MADD: variants seen among roughly 807,000 people sequenced by gnomAD.
MADD encodes MAP kinase activating death domain, also known as MAP kinase-activating death domain protein.
Under a neutral mutation model 176.7 loss-of-function variants are expected in MADD, and 109 were observed. The ratio of observed to expected loss-of-function variants is 0.62; its 90% CI spans 0.53 to 0.72. MADD has a LOEUF of 0.72. MADD is among the 30% of genes least tolerant of loss of function. MADD has a pLI of 0.00. For synonymous variants in MADD, 771 were observed against 771.3 expected, an observed-to-expected ratio of 1.00 and a Z score of 0.01; for missense variants, 1,914 against 2,045.5, an observed-to-expected ratio of 0.94 and a Z score of 1.24.
exon 15 of MADD, chr11:47,286,525 A>G: frequency 6.2e-7 from 1 of 1,612,972 alleles, no homozygotes; most frequent in Non-Finnish European, 8.5e-7. Context: ...GCCCTTCCCC[A>G]GTCTGAAAGG....
chr11:47,296,097 G>T (rs1365018004), intron 22 of MADD, 42 bp downstream of exon 24: 2 of 1,596,486 alleles, frequency 1.3e-6, no homozygotes, highest in Admixed American at 1.7e-5. Flanking sequence ...TTTCTTTAAT[G>T]GGGGAGGGAA....
chr11:47,303,607 CTTTTT>C (rs137937344), intron 22 of MADD, among the ~76,000 whole-genome samples: 2 of 105,548 alleles, frequency 1.9e-5, no homozygotes, highest in Non-Finnish European at 1.9e-5. Flanking sequence ...TTGGAGAGGC[CTTTTT>C]TTTTTTTTTT....
At chr11:47,303,419 T>A (rs569823870) in intron 22 of MADD, among the ~76,000 whole-genome samples, 1 of 152,156 alleles carries the variant, frequency 6.6e-6, no homozygotes, top group African/African-American at 2.4e-5. Flanking sequence ...TATGTATTTT[T>A]AGTAGAGACG....
intron 1 of MADD, 128 bp from the exon 2 acceptor site, chr11:47,273,695 GCGTC>G (rs2047105222): frequency 1.5e-5 from 7 of 476,608 alleles, no homozygotes; most frequent in Non-Finnish European, 2.7e-5. Flanking sequence ...GGCTAGGCAA[GCGTC>G]AAGTTCTCCT....
chr11:47,294,020 A>C lies in MADD; in HGVS notation c.3402+37A>C, dbSNP rs752023837. On this transcript the variant is annotated intron_variant, in intron 20 of 32. Coordinates refer to ENST00000402192, the Ensembl canonical transcript of MADD. ...CCTTGTTGAAATTTGCAAGTATTAA[A>C]TATGCTGTCTCAGAATACTTCTTTA... The C allele has an allele frequency of 1.4e-5, 21 of 1,465,858 alleles. No individual in the cohort carries two copies. The Admixed American group carries it at 3.5e-4, about 25-fold the overall frequency. The allele number at this position is 1,465,858 out of a possible 1,614,324, so 90.8% of individuals were successfully genotyped here.
exon 10 of MADD, chr11:47,282,871 G>A (rs1168069999): frequency 6.2e-7 from 1 of 1,614,168 alleles, no homozygotes; most frequent in Non-Finnish European, 8.5e-7. Context: ...ATCAGCTGCA[G>A]CCTATCCACT....
At chr11:47,273,637 A>C (rs1004450204) in intron 1 of MADD, among the ~76,000 whole-genome samples, 190 bp from the exon 2 acceptor site, 1 of 32,334 alleles carries the variant, frequency 3.1e-5, no homozygotes, top group Non-Finnish European at 1.5e-4. Flanking sequence ...TGCCTGGCCT[A>C]TCTATTTTTT....
At chr11:47,276,594 G>GGGCA (rs1317952443) in intron 4 of MADD, 138 bp from the exon 5 acceptor site, 1 of 966,398 alleles carries the variant, frequency 1.0e-6, no homozygotes, top group Non-Finnish European at 1.6e-6. Context: ...AGGCATGGTG[G>GGGCA]GGCAGGGGGC....
intron 31 of MADD, chr11:47,328,231 T>G: frequency 9.2e-7 from 1 of 1,090,314 alleles, no homozygotes; most frequent in Non-Finnish European, 1.1e-6. Flanking sequence ...GGTGACGAGT[T>G]CACGGGTGTC....
At chr11:47,309,284 A>G (rs2085953283) in exon 24 of MADD, 2 of 1,614,148 alleles carry the variant, frequency 1.2e-6, no homozygotes, top group African/African-American at 2.7e-5. Context: ...TATGCAGGCA[A>G]AGAGCGTTCT....
At chr11:47,279,131 C>G (rs768085889) in intron 7 of MADD, 52 bp downstream of exon 7, 1 of 1,539,170 alleles carries the variant, frequency 6.5e-7, no homozygotes, top group Admixed American at 1.7e-5. Context: ...TGTGGGATTC[C>G]TATAAGAAGA....
At chr11:47,324,608 G>C (rs1443232686) in intron 30 of MADD, 31 bp downstream of exon 33, 1 of 1,488,828 alleles carries the variant, frequency 6.7e-7, no homozygotes, top group Non-Finnish European at 9.3e-7. Context: ...GAGGCTCCCT[G>C]TCGTTCCATC....
intron 22 of MADD, among the ~76,000 whole-genome samples, chr11:47,296,324 T>A (rs1309556778): frequency 6.6e-6 from 1 of 152,220 alleles, no homozygotes; most frequent in Non-Finnish European, 1.5e-5. Context: ...TCCTATGTAG[T>A]ATTAACCCCC....
intron 20 of MADD, 57 bp from the exon 23 acceptor site, chr11:47,295,439 G>A: frequency 1.5e-6 from 2 of 1,377,848 alleles, no homozygotes; most frequent in Non-Finnish European, 2.1e-6. Flanking sequence ...CAGTATTTCT[G>A]TGGGAAACTG....
intron 10 of MADD, among the ~76,000 whole-genome samples, chr11:47,283,186 C>T (rs906407968): frequency 5.3e-5 from 8 of 152,340 alleles, no homozygotes; most frequent in South Asian, 2.1e-4. Context: ...CTCCGCCTCC[C>T]GGCTTCATGC....
intron 8 of MADD, 71 bp from the exon 9 acceptor site, chr11:47,282,310 G>A (rs148938842): frequency 2.3e-6 from 3 of 1,295,382 alleles, no homozygotes; most frequent in Non-Finnish European, 2.2e-6. Flanking sequence ...TTTGGGAGGT[G>A]TTCTAAGACT....
rs2092756397 is a variant in MADD at position 47,316,021 on chromosome 11, G to A, written c.4197+694G>A. ...CAATTTTTTGTATTTTAGTAGAGGT[G>A]GGGTTTCACCATGTTCGTTGGCCAG... On this transcript the variant is annotated intron_variant, in intron 27 of 32. Coordinates refer to ENST00000402192, the Ensembl canonical transcript of MADD. Among the ~76,000 whole-genome samples the A allele has an allele frequency of 4.7e-5, 7 of 149,504 alleles. No individual in the cohort carries two copies. In the South Asian group the frequency reaches 1.3e-3, roughly 27 times the overall value.
intron 22 of MADD, among the ~76,000 whole-genome samples, chr11:47,302,195 C>T (rs2078282932): frequency 6.6e-6 from 1 of 151,930 alleles, no homozygotes. Flanking sequence ...TACATAATTA[C>T]TTTCTTTGTC....
At chr11:47,289,277 C>A in intron 15 of MADD, 114 bp from the exon 17 acceptor site, 1 of 924,388 alleles carries the variant, frequency 1.1e-6, no homozygotes, top group Non-Finnish European at 1.7e-6. Flanking sequence ...TTGGTGCTAC[C>A]CTCACCCAGC....
Sources: gnomAD v4.1 joint callset for allele counts (sites outside exome capture counted in the v4.1 genomes callset) on GRCh38, gnomAD v4.1.1 for gene constraint, MANE v1.5 for transcripts, NCBI Gene and HGNC (gene_info 2026-07-23, HGNC 2026-07-21) for gene names.